The following TTC17 variants were observed in gnomAD, a reference collection of about 807,000 sequenced individuals.
TTC17 encodes the protein tetratricopeptide repeat domain 17.
Under a neutral mutation model 143.8 loss-of-function variants are expected in TTC17, and 58 were observed. The ratio of observed to expected loss-of-function variants is 0.40; its 90% CI spans 0.33 to 0.50. TTC17 has a LOEUF of 0.50. Among genes scored for constraint, TTC17 ranks in the 20% least tolerant of loss-of-function variants. The pLI is 0.49. For missense variants in TTC17, 1,273 were observed against 1,392.5 expected (o/e 0.91, Z 1.37); for synonymous variants, 501 against 497.8 (o/e 1.01, Z -0.09).
chr11:43,456,615 T>C (rs918680064), intron 21 of TTC17, among the ~76,000 whole-genome samples: 1 of 152,132 alleles, frequency 6.6e-6, no homozygotes, highest in Non-Finnish European at 1.5e-5. Context: ...AAGAACTAAA[T>C]TGCTAGTGAC....
intron 16 of TTC17, among the ~76,000 whole-genome samples, chr11:43,415,436 A>G (rs1366442275): frequency 6.6e-6 from 1 of 152,306 alleles, no homozygotes; most frequent in African/African-American, 2.4e-5. Context: ...AAAAAATAAA[A>G]TCGTGAATTT....
In TTC17 at chr11:43,493,428, C is replaced by T. The variant is rs913345507; in HGVS notation, c.3295-345C>T. ...TGGAAGGATTTCATAAAGCACCTAG[C>T]ACAGCCTGGCACACTTCAGGCACTC... On this transcript the variant is annotated intron_variant, in intron 23 of 23. Transcript: ENST00000039989. Among the ~76,000 whole-genome samples the T allele has an allele frequency of 5.3e-5, 8 of 152,182 alleles. No individual in the cohort carries two copies. In the South Asian group the frequency reaches 1.7e-3, roughly 32 times the overall value.
intron 1 of TTC17, among the ~76,000 whole-genome samples, chr11:43,362,005 A>C (rs966643973): frequency 8.7e-6 from 1 of 115,392 alleles, no homozygotes; most frequent in Non-Finnish European, 1.7e-5. Context: ...TTTGAGATGG[A>C]GTTTTGCTCT....
At chr11:43,372,051 G>A (rs2132189) in intron 1 of TTC17, among the ~76,000 whole-genome samples, 5,739 of 152,132 alleles carry the variant, frequency 0.038, 124 homozygotes, top group Middle Eastern at 0.051. Context: ...TAGCCTTGGT[G>A]ACAGAGCAAG....
In TTC17 at chr11:43,358,951, C is replaced by T. The variant is rs779463707; in HGVS notation, c.-4C>T. 6.4e-6 allele frequency: 10 copies of T among 1,571,324 alleles called. No individual in the cohort carries two copies. In the South Asian group the frequency reaches 1.0e-4, roughly 16 times the overall value. On this transcript the variant is annotated 5_prime_UTR_variant, in exon 1 of 24. Transcript: ENST00000039989. ...GGTGTGAGCGGCCCGGCCGGGGGGG[C>T]AAGATGGCGGCGGCAGTAGGGGTTC...
intron 22 of TTC17, chr11:43,491,647 C>T (rs1948476544): frequency 1.2e-5 from 2 of 165,160 alleles, no homozygotes; most frequent in Non-Finnish European, 2.6e-5. Context: ...ATTATTTTGG[C>T]TTTCTGACAG....
At chr11:43,398,243 A>G (rs1474597794) in intron 8 of TTC17, 130 bp downstream of exon 8, 16 of 1,167,370 alleles carry the variant, frequency 1.4e-5, no homozygotes, top group Admixed American at 5.6e-5. Flanking sequence ...TGCAAGTCCT[A>G]TCCTTTTTCT....
chr11:43,379,100 C>A, intron 1 of TTC17, 133 bp from the exon 2 acceptor site: 3 of 825,232 alleles, frequency 3.6e-6, no homozygotes, highest in Non-Finnish European at 4.0e-6. Flanking sequence ...TTGAAATACT[C>A]CTTGAGTTTT....
At chr11:43,459,109 A>G (rs1947817566) in intron 21 of TTC17, among the ~76,000 whole-genome samples, 1 of 152,146 alleles carries the variant, frequency 6.6e-6, no homozygotes, top group Non-Finnish European at 1.5e-5. Context: ...CTGTAAACCT[A>G]TGAATTAAAA....
chr11:43,486,695 T>G (rs959886220), intron 21 of TTC17, among the ~76,000 whole-genome samples: 1 of 152,202 alleles, frequency 6.6e-6, no homozygotes, highest in African/African-American at 2.4e-5. Context: ...TTTTACAGCA[T>G]GAATATGTTT....
intron 5 of TTC17, among the ~76,000 whole-genome samples, chr11:43,395,086 A>G: frequency 6.6e-6 from 1 of 150,834 alleles, no homozygotes; most frequent in Non-Finnish European, 1.5e-5. Flanking sequence ...TCTCTTCAGT[A>G]GTTCATGTAG....
intron 5 of TTC17, 37 bp downstream of exon 5, chr11:43,391,989 G>C: frequency 6.4e-7 from 1 of 1,572,376 alleles, no homozygotes; most frequent in African/African-American, 1.4e-5. Context: ...AGCGGGCTGA[G>C]CCAGCGGGCT....
At chr11:43,436,493 G>A (rs1399274572) in intron 16 of TTC17, among the ~76,000 whole-genome samples, 1 of 152,178 alleles carries the variant, frequency 6.6e-6, no homozygotes, top group Non-Finnish European at 1.5e-5. Context: ...CAGAAGACAA[G>A]CTTTAGTGTG....
chr11:43,369,167 G>A (rs1386707415), intron 1 of TTC17, among the ~76,000 whole-genome samples: 1 of 152,138 alleles, frequency 6.6e-6, no homozygotes, highest in Non-Finnish European at 1.5e-5. Context: ...ATTTGTATAT[G>A]CCCTGGTGAC....
chr11:43,404,114 G>C lies in TTC17; in HGVS notation c.1449G>C (p.Trp483Cys), dbSNP rs1397595472. ...CTCCCGTAGCCCATTCTATTCTCTG[G>C]ATTTGGGGCAGGGACTCTGATGCAT... ...KSSPVAHSIL[W>C]IWGRDSDAYR... The change falls in exon 11 of 24, where the codon TGG (tryptophan) becomes TGC (cysteine). Residue 483 changes from tryptophan (W) to cysteine (C), a missense_variant. Physicochemically the swap from Trp to Cys is radical, Grantham distance 215. Coordinates refer to ENST00000039989, the MANE Select transcript of TTC17 (RefSeq NM_018259.6). The C allele has an allele frequency of 1.2e-6, 2 of 1,612,582 alleles. No individual in the cohort carries two copies. The highest frequency in any genetic ancestry group is 2.7e-5 in the African/African-American group (2 of 74,810).
intron 21 of TTC17, among the ~76,000 whole-genome samples, chr11:43,454,551 A>G (rs2134766887): frequency 6.6e-6 from 1 of 152,294 alleles, no homozygotes; most frequent in East Asian, 1.9e-4. Flanking sequence ...ATTGTTTAAC[A>G]AAGCATAGCC....
At chr11:43,424,102 T>C (rs999602570) in intron 16 of TTC17, among the ~76,000 whole-genome samples, 1 of 151,512 alleles carries the variant, frequency 6.6e-6, no homozygotes, top group African/African-American at 2.4e-5. Flanking sequence ...TTTTTTTTTT[T>C]CCTGAGGCGG....
intron 23 of TTC17, 80 bp downstream of exon 23, chr11:43,492,243 G>GTC: frequency 6.7e-7 from 1 of 1,501,750 alleles, no homozygotes; most frequent in Non-Finnish European, 9.0e-7. Context: ...CTTTGAATAT[G>GTC]TCATTGCCCA....
chr11:43,368,973 C>G (rs989167575), intron 1 of TTC17, among the ~76,000 whole-genome samples: 4 of 152,214 alleles, frequency 2.6e-5, no homozygotes, highest in Non-Finnish European at 5.9e-5. Flanking sequence ...TTGCTTCTTC[C>G]TCTGCAGATG....
Sources: gnomAD v4.1 joint callset for allele counts (sites outside exome capture counted in the v4.1 genomes callset) on GRCh38, gnomAD v4.1.1 for gene constraint, MANE v1.5 for transcripts, NCBI Gene and HGNC (gene_info 2026-07-23, HGNC 2026-07-21) for gene names.